The following NR3C1 variants were observed in gnomAD, a reference collection of about 807,000 sequenced individuals.
NR3C1 encodes the protein glucocorticoid receptor.
Under a neutral mutation model 74.0 loss-of-function variants are expected in NR3C1, and 14 were observed. That is an observed-to-expected ratio of 0.19 (90% CI 0.12 to 0.30). NR3C1 has a LOEUF of 0.30. Among genes scored for constraint, NR3C1 ranks in the 10% least tolerant of loss-of-function variants. The pLI, the probability that NR3C1 is intolerant of heterozygous loss-of-function variation, is 1.00. For missense variants in NR3C1, 695 were observed against 909.8 expected (o/e 0.76, Z 3.04); for synonymous variants, 308 against 332.5 (o/e 0.93, Z 0.80).
chr5:143,359,882 CA>C (rs1476743337), intron 2 of NR3C1, among the ~76,000 whole-genome samples: 2 of 152,152 alleles, frequency 1.3e-5, no homozygotes. Flanking sequence ...CACCCTCCTG[CA>C]CCATAGCCTG....
chr5:143,347,628 G>A (rs6877893), intron 2 of NR3C1, among the ~76,000 whole-genome samples: 79,654 of 151,928 alleles, frequency 0.52, 21,402 homozygotes, highest in East Asian at 0.75. Context: ...CAAGAATTTC[G>A]GCCTGAAAAA....
chr5:143,298,789 C>A lies in NR3C1; in HGVS notation c.1771G>T (p.Asp591Tyr). The change falls in exon 6 of 9, where the codon GAC becomes TAC. Residue 591 changes from aspartate to tyrosine, a missense_variant. Physicochemically the swap from Asp to Tyr is radical, Grantham distance 160. Around this residue, in one of 4 missense-constraint regions of NR3C1, gnomAD observed 133 missense variants for 287.9 expected, o/e 0.46. Transcript: ENST00000394464. Reference protein sequence around the residue: ...IPGFRNLHLDDQMTLLQYSWM... With the variant: ...IPGFRNLHLDYQMTLLQYSWM... ...GAGTACTGCAGTAGGGTCATTTGGT[C>A]ATCCAGGTGTAAGTTCCTGAAACCT... is the stretch of plus-strand genomic sequence containing the variant. 2 of 1,613,526 alleles carry A rather than the reference C, an allele frequency of 1.2e-6. No homozygotes were observed. Among genetic ancestry groups the A allele is most frequent in the South Asian group, 2.2e-5 (2 of 90,990 alleles).
intron 7 of NR3C1, among the ~76,000 whole-genome samples, chr5:143,294,674 AT>A (rs755402353): frequency 2.6e-5 from 4 of 151,504 alleles, no homozygotes; most frequent in African/African-American, 9.7e-5. Flanking sequence ...GCAACCGCTG[AT>A]TTTTTTTTGC....
chr5:143,372,807 T>C (rs1043182939), intron 2 of NR3C1, among the ~76,000 whole-genome samples: 14 of 152,184 alleles, frequency 9.2e-5, no homozygotes, highest in African/African-American at 3.4e-4. Flanking sequence ...ATCACAATTA[T>C]TGCTCTGACT....
At chr5:143,375,090 C>T (rs1200971774) in intron 2 of NR3C1, among the ~76,000 whole-genome samples, 1 of 152,154 alleles carries the variant, frequency 6.6e-6, no homozygotes, top group African/African-American at 2.4e-5. Flanking sequence ...CTCCAAAATC[C>T]TTCCTGGGAC....
At position 143,280,553 on chromosome 5, in the gene NR3C1, A is replaced by G. The variant is rs972442712; in HGVS notation, c.*1336T>C. ...TACAGCTTCTATTTTGTTTAAAATA[A>G]TTTTCAACAGTGAAGAAATTCACAG... On this transcript the variant is annotated 3_prime_UTR_variant, in exon 9 of 9. Transcript: ENST00000394464. 1.3e-5 allele frequency: 2 copies of G among 152,620 alleles called. No homozygotes were observed. Among genetic ancestry groups the G allele is most frequent in the Non-Finnish European group, 2.9e-5 (2 of 68,020 alleles). The allele number at this position is 152,620 out of a possible 1,614,324, so 9.5% of individuals were successfully genotyped here. A position where few individuals can be genotyped will look rare whatever the true frequency, so the allele number is the denominator to read the frequency against.
At chr5:143,295,810 C>T (rs757826963) in intron 6 of NR3C1, among the ~76,000 whole-genome samples, 1 of 152,102 alleles carries the variant, frequency 6.6e-6, no homozygotes, top group Non-Finnish European at 1.5e-5. Flanking sequence ...TCTAATGTAA[C>T]AGTGGAGATA....
intron 2 of NR3C1, among the ~76,000 whole-genome samples, chr5:143,394,934 A>G (rs950812993): frequency 4.0e-5 from 6 of 151,866 alleles, no homozygotes; most frequent in African/African-American, 1.4e-4. Context: ...CTCCACCCCC[A>G]ATTAATTCAT....
At chr5:143,311,239 G>A (rs748140631) in intron 3 of NR3C1, among the ~76,000 whole-genome samples, 8 of 151,994 alleles carry the variant, frequency 5.3e-5, no homozygotes, top group Non-Finnish European at 1.2e-4. Context: ...TGATGAAGTG[G>A]TTATAATACA....
At chr5:143,338,884 C>G (rs547153346) in intron 2 of NR3C1, among the ~76,000 whole-genome samples, 8 of 152,128 alleles carry the variant, frequency 5.3e-5, no homozygotes, top group Non-Finnish European at 7.3e-5. Flanking sequence ...TCCTGGAAGC[C>G]CTATTCACAG....
At chr5:143,350,727 G>A (rs1484738691) in intron 2 of NR3C1, among the ~76,000 whole-genome samples, 2 of 152,170 alleles carry the variant, frequency 1.3e-5, no homozygotes, top group Non-Finnish European at 2.9e-5. Flanking sequence ...AGGAGAAAAT[G>A]AGAAGAGGGC....
chr5:143,386,800 C>T (rs1368652265), intron 2 of NR3C1, among the ~76,000 whole-genome samples: 1 of 152,184 alleles, frequency 6.6e-6, no homozygotes, highest in Admixed American at 6.5e-5. Context: ...CTATAATGCT[C>T]ACTTACACTC....
intron 3 of NR3C1, among the ~76,000 whole-genome samples, chr5:143,312,041 C>T (rs1403992893): frequency 6.6e-6 from 1 of 152,098 alleles, no homozygotes; most frequent in African/African-American, 2.4e-5. Context: ...GGTAAATTCC[C>T]TTTCTAACTA....
chr5:143,384,161 A>G (rs941486957), intron 2 of NR3C1, among the ~76,000 whole-genome samples: 1 of 152,186 alleles, frequency 6.6e-6, no homozygotes, highest in Non-Finnish European at 1.5e-5. Context: ...CTTTCAAACA[A>G]CCAGGTCTCA....
At chr5:143,342,571 T>C (rs890173845) in intron 2 of NR3C1, among the ~76,000 whole-genome samples, 1 of 152,212 alleles carries the variant, frequency 6.6e-6, no homozygotes, top group African/African-American at 2.4e-5. Flanking sequence ...GTAAAAACCT[T>C]CATAGCAGTA....
chr5:143,288,931 C>T (rs1174907817), intron 7 of NR3C1, among the ~76,000 whole-genome samples: 5 of 151,790 alleles, frequency 3.3e-5, no homozygotes, highest in African/African-American at 1.2e-4. Context: ...ATGGCGAAAC[C>T]CCGTCTCTAC....
At chr5:143,282,464 TGG>T in intron 8 of NR3C1, 102 bp downstream of exon 8, 1 of 1,026,554 alleles carries the variant, frequency 9.7e-7, no homozygotes, top group Non-Finnish European at 1.3e-6. Flanking sequence ...ATCCACAAAC[TGG>T]GGGCGGGGGT....
intron 7 of NR3C1, among the ~76,000 whole-genome samples, chr5:143,286,242 C>G (rs1203390781): frequency 2.6e-5 from 4 of 152,052 alleles, no homozygotes; most frequent in Non-Finnish European, 5.9e-5. Flanking sequence ...CCAAACAAAC[C>G]AAGACAGCTT....
At position 143,314,123 on chromosome 5, in the gene NR3C1, TGAG is replaced by T; in HGVS notation, c.1227_1229del (p.Ser410del). On this transcript the variant is annotated inframe_deletion, in exon 3 of 9. Coordinates refer to ENST00000394464, the MANE Select transcript of NR3C1 (RefSeq NM_000176.3). ...TGGGAGGTGGTCCTGTTGTTGCTGT[TGAG>T]GAGCTGGATGGAGGAGAGCTTACAT... The T allele has an allele frequency of 6.2e-7, 1 of 1,613,762 alleles. No homozygotes were observed. The highest frequency in any genetic ancestry group is 8.5e-7 in the Non-Finnish European group (1 of 1,179,764).
Sources: gnomAD v4.1 joint callset for allele counts (sites outside exome capture counted in the v4.1 genomes callset) on GRCh38, gnomAD v4.1.1 for gene constraint, gnomAD v4.1.1 regional missense constraint, MANE v1.5 for transcripts, NCBI Gene and HGNC (gene_info 2026-07-23, HGNC 2026-07-21) for gene names.